SH3GL2: variants seen among roughly 807,000 people sequenced by gnomAD.
SH3GL2 encodes endophilin-A1.
A neutral mutation model predicts 46.0 loss-of-function variants in SH3GL2; 24 were observed. That is an observed-to-expected ratio of 0.52 (90% CI 0.38 to 0.73). The LOEUF (loss-of-function observed/expected upper bound fraction) is 0.73. Ranked by LOEUF, SH3GL2 falls within the 30% of genes least tolerant of loss-of-function variation. SH3GL2 has a pLI of 0.00. For synonymous variants in SH3GL2, 196 were observed against 147.1 expected, an observed-to-expected ratio of 1.33 and a Z score of -2.40; for missense variants, 413 against 424.2, an observed-to-expected ratio of 0.97 and a Z score of 0.23.
At chr9:17,624,586 C>T (rs1382224136) in intron 1 of SH3GL2, among the ~76,000 whole-genome samples, 1 of 152,040 alleles carries the variant, frequency 6.6e-6, no homozygotes, top group African/African-American at 2.4e-5. Context: ...CATAATTTAC[C>T]ACTGTACTCA....
chr9:17,743,784 G>A (rs745781606), intron 1 of SH3GL2, among the ~76,000 whole-genome samples: 1 of 152,198 alleles, frequency 6.6e-6, no homozygotes, highest in Non-Finnish European at 1.5e-5. Context: ...ATATTTAACA[G>A]TATAGGATTG....
chr9:17,711,080 T>A (rs947425316), intron 1 of SH3GL2, among the ~76,000 whole-genome samples: 23 of 151,986 alleles, frequency 1.5e-4, no homozygotes, highest in African/African-American at 5.5e-4. Context: ...ATTGTGTCTA[T>A]TTAATAAAAT....
At chr9:17,696,649 C>G (rs1402249031) in intron 1 of SH3GL2, among the ~76,000 whole-genome samples, 2 of 152,144 alleles carry the variant, frequency 1.3e-5, no homozygotes, top group East Asian at 1.9e-4. Context: ...AAAACTCACT[C>G]ACTATAATGA....
rs551518586 is a variant in SH3GL2 at position 17,706,837 on chromosome 9, C to G, written c.46-40229C>G. 6.6e-5 allele frequency among the ~76,000 whole-genome samples: 10 copies of G among 152,132 alleles called. No individual in the cohort carries two copies. In the East Asian group the frequency reaches 1.9e-3, roughly 30 times the overall value. Reference sequence around the variant, plus strand: ...GACCCTTAAAAAATGGAATCCTCTTCTCACGTAGGAGAGTCAGGAGAGGCT... The same window carrying G: ...GACCCTTAAAAAATGGAATCCTCTTGTCACGTAGGAGAGTCAGGAGAGGCT... On this transcript the variant is annotated intron_variant, in intron 1 of 8. Transcript: ENST00000380607.
chr9:17,793,724 G>T (rs1189406969), intron 8 of SH3GL2, among the ~76,000 whole-genome samples: 1 of 151,756 alleles, frequency 6.6e-6, no homozygotes, highest in Non-Finnish European at 1.5e-5. Context: ...AACTTTCTTT[G>T]TATATCCCAT....
At chr9:17,636,182 G>C (rs1159545278) in intron 1 of SH3GL2, among the ~76,000 whole-genome samples, 1 of 152,192 alleles carries the variant, frequency 6.6e-6, no homozygotes, top group Non-Finnish European at 1.5e-5. Flanking sequence ...TTAAGAAGAA[G>C]TATCTAGCAT....
intron 1 of SH3GL2, among the ~76,000 whole-genome samples, chr9:17,745,247 C>G (rs1822648008): frequency 6.6e-6 from 1 of 152,092 alleles, no homozygotes; most frequent in Non-Finnish European, 1.5e-5. Flanking sequence ...TGCCCTTTAT[C>G]TACCTAAGAT....
intron 1 of SH3GL2, among the ~76,000 whole-genome samples, chr9:17,616,583 A>G (rs1188615594): frequency 6.6e-6 from 1 of 152,198 alleles, no homozygotes; most frequent in Non-Finnish European, 1.5e-5. Context: ...TACAAATGAT[A>G]TAGCAAAGCA....
chr9:17,794,345 A>G (rs998764256), intron 8 of SH3GL2, among the ~76,000 whole-genome samples: 1 of 152,156 alleles, frequency 6.6e-6, no homozygotes, highest in African/African-American at 2.4e-5. Context: ...TCTACTGTAG[A>G]AAACTTTTTA....
At position 17,694,149 on chromosome 9, in the gene SH3GL2, A is replaced by G. The variant is rs548993134; in HGVS notation, c.46-52917A>G. ...TGTATTAGTCTGTTCTTATACTGCT[A>G]TAAAGAAGTACCTGAGACTGGTAAT... is the stretch of plus-strand genomic sequence containing the variant. On this transcript the variant is annotated intron_variant, in intron 1 of 8. Transcript: ENST00000380607. 4.4e-3 allele frequency among the ~76,000 whole-genome samples: 664 copies of G among 152,274 alleles called. 3 individuals carry two copies. The highest frequency in any genetic ancestry group is 0.015 in the African/African-American group (635 of 41,544).
At chr9:17,680,662 C>T (rs1820743740) in intron 1 of SH3GL2, among the ~76,000 whole-genome samples, 2 of 151,822 alleles carry the variant, frequency 1.3e-5, no homozygotes, top group Admixed American at 1.3e-4. Flanking sequence ...TATTTCTTGC[C>T]TTCTGCTAGC....
chr9:17,708,000 C>T (rs1821517942), intron 1 of SH3GL2, among the ~76,000 whole-genome samples: 1 of 152,020 alleles, frequency 6.6e-6, no homozygotes, highest in South Asian at 2.1e-4. Context: ...GCATGATGTC[C>T]CCATTATTGT....
chr9:17,663,581 G>T (rs962219035), intron 1 of SH3GL2, among the ~76,000 whole-genome samples: 2 of 152,132 alleles, frequency 1.3e-5, no homozygotes, highest in African/African-American at 4.8e-5. Flanking sequence ...CGGATTTATT[G>T]TTGTTCTGTG....
chr9:17,599,712 T>G (rs759093575), intron 1 of SH3GL2, among the ~76,000 whole-genome samples: 2 of 152,186 alleles, frequency 1.3e-5, no homozygotes, highest in Non-Finnish European at 2.9e-5. Flanking sequence ...ATTTGTAGCA[T>G]GAACCCATAT....
intron 3 of SH3GL2, among the ~76,000 whole-genome samples, chr9:17,775,421 A>G (rs1301343527): frequency 1.3e-5 from 2 of 152,208 alleles, no homozygotes; most frequent in Non-Finnish European, 2.9e-5. Context: ...TGTAAAATGG[A>G]GAAACAAAAC....
intron 1 of SH3GL2, among the ~76,000 whole-genome samples, chr9:17,610,428 G>A (rs900179908): frequency 1.3e-5 from 2 of 152,148 alleles, no homozygotes; most frequent in Non-Finnish European, 2.9e-5. Flanking sequence ...TTCTCAAAGA[G>A]TATACAATTT....
intron 1 of SH3GL2, among the ~76,000 whole-genome samples, chr9:17,586,752 C>T (rs970010427): frequency 6.6e-6 from 1 of 152,110 alleles, no homozygotes; most frequent in African/African-American, 2.4e-5. Flanking sequence ...GTGGCGGTAA[C>T]CACCCCTATG....
chr9:17,724,168 C>G (rs1204442959), intron 1 of SH3GL2, among the ~76,000 whole-genome samples: 1 of 151,932 alleles, frequency 6.6e-6, no homozygotes, highest in Non-Finnish European at 1.5e-5. Context: ...TTTACTTTTT[C>G]TTCTTTATTT....
At chr9:17,642,536 G>T (rs1023396177) in intron 1 of SH3GL2, among the ~76,000 whole-genome samples, 1 of 152,182 alleles carries the variant, frequency 6.6e-6, no homozygotes, top group African/African-American at 2.4e-5. Flanking sequence ...TGTATAAGTT[G>T]TAAGGAAGGG....
Sources: gnomAD v4.1 joint callset for allele counts (sites outside exome capture counted in the v4.1 genomes callset) on GRCh38, gnomAD v4.1.1 for gene constraint, MANE v1.5 for transcripts, NCBI Gene and HGNC (gene_info 2026-07-23, HGNC 2026-07-21) for gene names.